EDIL3: variants seen among roughly 807,000 people sequenced by gnomAD.
EDIL3 encodes EGF-like repeat and discoidin I-like domain-containing protein 3.
Under a neutral mutation model 67.4 loss-of-function variants are expected in EDIL3, and 37 were observed. The observed-to-expected ratio is 0.55, with a 90% CI of 0.42 to 0.72. The LOEUF (loss-of-function observed/expected upper bound fraction) is 0.72, where lower values mean the gene tolerates loss of function less well. Among genes scored for constraint, EDIL3 ranks in the 30% least tolerant of loss-of-function variants. The pLI is 0.00. For synonymous variants in EDIL3, 195 were observed against 196.3 expected, an observed-to-expected ratio of 0.99 and a Z score of 0.05; for missense variants, 527 against 586.3, an observed-to-expected ratio of 0.90 and a Z score of 1.04.
At chr5:84,000,406 G>T (rs1379286169) in intron 9 of EDIL3, among the ~76,000 whole-genome samples, 2 of 152,018 alleles carry the variant, frequency 1.3e-5, no homozygotes, top group Non-Finnish European at 2.9e-5. Flanking sequence ...GAAAAAGCGG[G>T]GGATAAAGTT....
intron 1 of EDIL3, among the ~76,000 whole-genome samples, chr5:84,293,017 C>T: frequency 6.6e-6 from 1 of 152,144 alleles, no homozygotes; most frequent in East Asian, 1.9e-4. Flanking sequence ...GTTATACCTC[C>T]ATCCCCTTCC....
chr5:84,095,215 T>A (rs1022493823), intron 6 of EDIL3, among the ~76,000 whole-genome samples: 7 of 152,170 alleles, frequency 4.6e-5, no homozygotes, highest in African/African-American at 1.4e-4. Flanking sequence ...TGTGGAGCAA[T>A]TTAGAAGTTT....
At position 84,163,453 on chromosome 5, in the gene EDIL3, T is replaced by C. The variant is rs1189841980; in HGVS notation, c.355+16940A>G. ...AAATAAAGCTCACTAAGAATTAAGTTACTTTAAGGAAATAAGGTAATTTCA... is the reference window on the plus strand; with the variant it reads ...AAATAAAGCTCACTAAGAATTAAGTCACTTTAAGGAAATAAGGTAATTTCA... On this transcript the variant is annotated intron_variant, in intron 4 of 10. Coordinates refer to ENST00000296591, the MANE Select transcript of EDIL3 (RefSeq NM_005711.5). Among the ~76,000 whole-genome samples the C allele has an allele frequency of 3.3e-5, 5 of 152,132 alleles. 1 individual carries two copies. Among genetic ancestry groups the C allele is most frequent in the Non-Finnish European group, 5.9e-5 (4 of 68,018 alleles).
intron 9 of EDIL3, chr5:84,048,149 G>A (rs756319677): frequency 1.6e-5 from 6 of 366,418 alleles, no homozygotes; most frequent in South Asian, 8.4e-5. Flanking sequence ...TTCTTTATAG[G>A]TGAACCTTCA....
In EDIL3 at chr5:84,372,530, G is replaced by T. The variant is rs147238374; in HGVS notation, c.67+11778C>A. Reference sequence around the variant, plus strand: ...TATGCAGACTTCAAAATACGTAGAGGGCCATCTGAACAAGATAAAGTAGGT... The same window carrying T: ...TATGCAGACTTCAAAATACGTAGAGTGCCATCTGAACAAGATAAAGTAGGT... On this transcript the variant is annotated intron_variant, in intron 1 of 10. Coordinates refer to ENST00000296591, the MANE Select transcript of EDIL3 (RefSeq NM_005711.5). Among the ~76,000 whole-genome samples, 143 of 152,186 alleles carry T rather than the reference G, an allele frequency of 9.4e-4. 1 individual carries two copies. The East Asian group carries it at 0.018, about 19-fold the overall frequency.
At chr5:84,274,746 CACACACACAG>C (rs968713862) in intron 1 of EDIL3, among the ~76,000 whole-genome samples, 45 of 150,790 alleles carry the variant, frequency 3.0e-4, no homozygotes, top group East Asian at 3.9e-4. Flanking sequence ...CACACATACA[CACACACACAG>C]ACACACACAG....
chr5:84,163,347 T>C (rs577199595), intron 4 of EDIL3, among the ~76,000 whole-genome samples: 5 of 152,196 alleles, frequency 3.3e-5, no homozygotes, highest in Admixed American at 3.3e-4. Context: ...GACAAAAATG[T>C]CACTTACATT....
intron 3 of EDIL3, among the ~76,000 whole-genome samples, chr5:84,189,149 C>T (rs937583170): frequency 2.0e-5 from 3 of 151,946 alleles, no homozygotes; most frequent in African/African-American, 7.2e-5. Context: ...ACTTGGTTCT[C>T]GTCACAGAGT....
chr5:84,201,225 G>A (rs539386553), intron 3 of EDIL3, among the ~76,000 whole-genome samples: 1 of 152,020 alleles, frequency 6.6e-6, no homozygotes, highest in South Asian at 2.1e-4. Flanking sequence ...AGAAAGGTAG[G>A]GGTATCAATT....
At chr5:84,226,731 C>T (rs905916633) in intron 3 of EDIL3, among the ~76,000 whole-genome samples, 1 of 151,848 alleles carries the variant, frequency 6.6e-6, no homozygotes, top group Admixed American at 6.6e-5. Context: ...CTTAAGAGCA[C>T]ATTTGTTCTA....
intron 3 of EDIL3, among the ~76,000 whole-genome samples, chr5:84,220,363 G>A (rs1427130521): frequency 2.0e-5 from 3 of 152,106 alleles, no homozygotes; most frequent in African/African-American, 4.8e-5. Flanking sequence ...TAAAGGCTAT[G>A]GGGTAGTTGG....
chr5:84,182,016 C>A (rs1749021875), intron 3 of EDIL3, among the ~76,000 whole-genome samples: 1 of 151,996 alleles, frequency 6.6e-6, no homozygotes, highest in Non-Finnish European at 1.5e-5. Context: ...AAACAAGAAG[C>A]AAGGTAGAAG....
intron 5 of EDIL3, among the ~76,000 whole-genome samples, chr5:84,110,209 G>T (rs1187370817): frequency 6.6e-6 from 1 of 152,116 alleles, no homozygotes; most frequent in Non-Finnish European, 1.5e-5. Context: ...CCAAGCCTTA[G>T]ATTTATTTCA....
intron 1 of EDIL3, among the ~76,000 whole-genome samples, chr5:84,274,727 T>C (rs1202641495): frequency 6.6e-6 from 1 of 151,538 alleles, no homozygotes; most frequent in African/African-American, 2.4e-5. Flanking sequence ...CCAAAAACAG[T>C]GATAACTACA....
At chr5:84,093,806 T>C (rs7731015) in intron 6 of EDIL3, among the ~76,000 whole-genome samples, 113,162 of 151,628 alleles carry the variant, frequency 0.75, 42,364 homozygotes, top group Middle Eastern at 0.77. Flanking sequence ...ACTAGAGGTG[T>C]CTGCCACCAC....
chr5:84,281,966 A>G (rs1745713023), intron 1 of EDIL3, among the ~76,000 whole-genome samples: 1 of 148,392 alleles, frequency 6.7e-6, no homozygotes, highest in Non-Finnish European at 1.5e-5. Context: ...TCCCGGATTC[A>G]AGTGATTCTG....
intron 1 of EDIL3, among the ~76,000 whole-genome samples, chr5:84,287,348 G>T (rs1004614457): frequency 6.6e-6 from 1 of 152,178 alleles, no homozygotes; most frequent in Non-Finnish European, 1.5e-5. Context: ...TTCCAAAGGT[G>T]TTGGTCTTCT....
At chr5:84,168,786 C>T (rs1748758822) in intron 4 of EDIL3, among the ~76,000 whole-genome samples, 1 of 152,172 alleles carries the variant, frequency 6.6e-6, no homozygotes, top group Admixed American at 6.6e-5. Flanking sequence ...CCACGCTTAC[C>T]CCCACCTGAA....
chr5:84,094,636 T>C (rs920124145), intron 6 of EDIL3, among the ~76,000 whole-genome samples: 4 of 152,144 alleles, frequency 2.6e-5, no homozygotes, highest in Non-Finnish European at 4.4e-5. Flanking sequence ...ACATATGAAA[T>C]GAAATAGATG....
Sources: allele counts gnomAD v4.1 joint callset (sites outside exome capture counted in the v4.1 genomes callset), GRCh38; gene constraint gnomAD v4.1.1; transcripts MANE v1.5; gene names NCBI Gene and HGNC (gene_info 2026-07-23, HGNC 2026-07-21).